SORCS1: variants seen among roughly 807,000 people sequenced by gnomAD.
SORCS1 encodes sortilin related VPS10 domain containing receptor 1, also known as VPS10 domain-containing receptor SorCS1.
Under a neutral mutation model 146.1 loss-of-function variants are expected in SORCS1, and 60 were observed. The observed-to-expected ratio is 0.41, with a 90% CI of 0.33 to 0.51. The LOEUF is 0.51. SORCS1 is among the 20% of genes least tolerant of loss of function. SORCS1 has a pLI of 0.21. For missense variants in SORCS1, 1,352 were observed against 1,487.6 expected, an observed-to-expected ratio of 0.91 and a Z score of 1.50; for synonymous variants, 637 against 584.0, an observed-to-expected ratio of 1.09 and a Z score of -1.31.
chr10:106,704,676 C>T (rs1472384072), intron 8 of SORCS1, among the ~76,000 whole-genome samples: 11 of 152,186 alleles, frequency 7.2e-5, no homozygotes, highest in Non-Finnish European at 1.0e-4. Flanking sequence ...GGTGACAGAG[C>T]GAGATTGTGT....
intron 2 of SORCS1, among the ~76,000 whole-genome samples, chr10:106,889,095 A>T (rs1951118021): frequency 1.3e-5 from 2 of 152,296 alleles, no homozygotes; most frequent in African/African-American, 4.8e-5. Flanking sequence ...AATTAGAAAC[A>T]ATTTTCTACA....
At chr10:106,742,583 T>C (rs962261699) in intron 5 of SORCS1, among the ~76,000 whole-genome samples, 2 of 152,182 alleles carry the variant, frequency 1.3e-5, no homozygotes, top group African/African-American at 4.8e-5. Flanking sequence ...TTTCACTATG[T>C]TGGCCAGGTT....
At chr10:106,708,464 T>C (rs1854701437) in intron 7 of SORCS1, among the ~76,000 whole-genome samples, 1 of 152,222 alleles carries the variant, frequency 6.6e-6, no homozygotes, top group African/African-American at 2.4e-5. Context: ...ATTTAGTAAT[T>C]GTACCTTTGT....
intron 17 of SORCS1, among the ~76,000 whole-genome samples, chr10:106,653,782 T>C (rs1163394636): frequency 6.6e-6 from 1 of 152,244 alleles, no homozygotes; most frequent in Non-Finnish European, 1.5e-5. Flanking sequence ...AATGGGTTAA[T>C]GTACACAGAG....
At chr10:106,699,619 T>A (rs1853977824) in intron 8 of SORCS1, among the ~76,000 whole-genome samples, 1 of 152,190 alleles carries the variant, frequency 6.6e-6, no homozygotes, top group South Asian at 2.1e-4. Flanking sequence ...GATGAAGGGA[T>A]GTTTGATAGA....
At chr10:106,750,597 C>A (rs1475862748) in intron 5 of SORCS1, among the ~76,000 whole-genome samples, 1 of 148,160 alleles carries the variant, frequency 6.7e-6, no homozygotes, top group African/African-American at 2.5e-5. Flanking sequence ...GGCTTGGTGG[C>A]GGATGCCTGT....
chr10:106,966,589 G>C (rs1343749368), intron 1 of SORCS1, among the ~76,000 whole-genome samples: 2 of 152,202 alleles, frequency 1.3e-5, no homozygotes, highest in African/African-American at 4.8e-5. Context: ...CCAACCAACA[G>C]TGTTGCAGAC....
chr10:106,892,895 CTTT>C (rs11352487), intron 2 of SORCS1, among the ~76,000 whole-genome samples: 34 of 137,188 alleles, frequency 2.5e-4, no homozygotes, highest in Non-Finnish European at 4.2e-4. Flanking sequence ...TTGGAAAGCC[CTTT>C]TTTTTTTTTT....
chr10:106,908,056 T>C (rs1380692512), intron 2 of SORCS1, among the ~76,000 whole-genome samples: 1 of 152,204 alleles, frequency 6.6e-6, no homozygotes, highest in Non-Finnish European at 1.5e-5. Flanking sequence ...AAGTTCTTAA[T>C]GACCATTTTT....
At chr10:107,114,458 T>C (rs1285386515) in intron 1 of SORCS1, among the ~76,000 whole-genome samples, 4 of 152,156 alleles carry the variant, frequency 2.6e-5, no homozygotes, top group Non-Finnish European at 5.9e-5. Flanking sequence ...ATTCAACATA[T>C]GCAAATCAAT....
At chr10:106,824,624 A>G (rs1948209321) in intron 3 of SORCS1, among the ~76,000 whole-genome samples, 1 of 152,012 alleles carries the variant, frequency 6.6e-6, no homozygotes, top group Non-Finnish European at 1.5e-5. Context: ...CATGATACAC[A>G]AACTACTCAA....
upstream of SORCS1, among the ~76,000 whole-genome samples, chr10:107,165,679 G>A (rs1316566631): frequency 6.6e-6 from 1 of 152,160 alleles, no homozygotes; most frequent in Non-Finnish European, 1.5e-5. This position sits in a 1 kb window ranked among gnomAD's most constrained non-coding sequence, Gnocchi z 4.0. Context: ...ATACAGGAAA[G>A]GAGGCACAGT....
At chr10:106,839,635 G>A (rs1948934236) in intron 2 of SORCS1, among the ~76,000 whole-genome samples, 1 of 152,216 alleles carries the variant, frequency 6.6e-6, no homozygotes, top group African/African-American at 2.4e-5. Flanking sequence ...GATGTTCAAT[G>A]TAGAGGAAAC....
Position 106,783,795 on chromosome 10 carries a change from T to C in SORCS1, c.727-7103A>G, listed in dbSNP as rs144465024. The stretch of plus-strand genomic sequence containing the variant: ...CATGATTCTTCCGTAGATTGGATTT[T>C]ATGCTTTATCATAAAAATGGATGGG... On this transcript the variant is annotated intron_variant, in intron 3 of 25. Transcript: ENST00000263054. Among the ~76,000 whole-genome samples, 357 of 152,352 alleles carry C rather than the reference T, an allele frequency of 2.3e-3. 4 individuals carry two copies. Among genetic ancestry groups the C allele is most frequent in the African/African-American group, 8.2e-3 (341 of 41,582 alleles).
At chr10:107,120,988 T>C (rs1182866974) in intron 1 of SORCS1, among the ~76,000 whole-genome samples, 2 of 152,118 alleles carry the variant, frequency 1.3e-5, no homozygotes, top group East Asian at 1.9e-4. Flanking sequence ...ATGCAGAGGA[T>C]AAAGAGAAAA....
At chr10:106,674,894 C>A (rs570603759) in intron 14 of SORCS1, among the ~76,000 whole-genome samples, 155 bp downstream of exon 14, 84 of 152,284 alleles carry the variant, frequency 5.5e-4, no homozygotes, top group African/African-American at 2.0e-3. Flanking sequence ...AAAATAGCTG[C>A]CCACATTTTT....
rs1181994255 is a variant in SORCS1 at position 106,836,423 on chromosome 10, C to G, written c.627-6750G>C. Among the ~76,000 whole-genome samples, 4 of 142,526 alleles carry G rather than the reference C, an allele frequency of 2.8e-5. No homozygotes were observed. The East Asian group carries it at 8.4e-4, about 30-fold the overall frequency. 93.5% of individuals were successfully genotyped at this position (142,526 alleles called of 152,430 possible). ...CAGGAGGCGGAGCTTTGCAGTGAGC[C>G]GAGATTGCGCCACTGCACTCCAGCC... On this transcript the variant is annotated intron_variant, in intron 2 of 25. Coordinates refer to ENST00000263054, the MANE Select transcript of SORCS1 (RefSeq NM_052918.5).
chr10:106,625,151 T>G (rs1044680535), intron 19 of SORCS1, among the ~76,000 whole-genome samples: 9 of 152,058 alleles, frequency 5.9e-5, no homozygotes, highest in African/African-American at 9.7e-5. Context: ...ATAGCCCTCC[T>G]GTGCTGCAGG....
intron 19 of SORCS1, among the ~76,000 whole-genome samples, chr10:106,625,856 C>A (rs1028683296): frequency 6.6e-6 from 1 of 151,954 alleles, no homozygotes; most frequent in Non-Finnish European, 1.5e-5. Flanking sequence ...GCTTTCTGAG[C>A]AGAAATCTGC....
Sources: allele counts gnomAD v4.1 joint callset (sites outside exome capture counted in the v4.1 genomes callset), GRCh38; gene constraint gnomAD v4.1.1; non-coding constraint Gnocchi (gnomAD v3.1); transcripts MANE v1.5; gene names NCBI Gene and HGNC (gene_info 2026-07-23, HGNC 2026-07-21).